The following VPS8 variants were observed in gnomAD, a reference collection of about 807,000 sequenced individuals.
The protein encoded by VPS8 is VPS8 subunit of CORVET complex, also known as vacuolar protein sorting-associated protein 8 homolog.
Under a neutral mutation model 216.4 loss-of-function variants are expected in VPS8, and 129 were observed. The observed-to-expected ratio is 0.60, with a 90% CI of 0.52 to 0.69. The LOEUF is 0.69. Among genes scored for constraint, VPS8 ranks in the 30% least tolerant of loss-of-function variants. The pLI is 0.00. For synonymous variants in VPS8, 571 were observed against 565.4 expected (o/e 1.01, Z -0.14); for missense variants, 1,531 against 1,683.5 (o/e 0.91, Z 1.59).
At chr3:185,012,341 T>C (rs958116147) in intron 45 of VPS8, among the ~76,000 whole-genome samples, 17 of 147,822 alleles carry the variant, frequency 1.2e-4, no homozygotes, top group Non-Finnish European at 2.2e-4. Context: ...AATGTACATA[T>C]ATCTATAATT....
chr3:184,907,125 G>A (rs1225210892), intron 25 of VPS8, among the ~76,000 whole-genome samples: 1 of 152,138 alleles, frequency 6.6e-6, no homozygotes, highest in Admixed American at 6.5e-5. Context: ...CGATCAATAC[G>A]TTTAAGATGT....
chr3:184,998,969 C>T (rs1753019751), intron 44 of VPS8, among the ~76,000 whole-genome samples: 1 of 151,972 alleles, frequency 6.6e-6, no homozygotes, highest in Non-Finnish European at 1.5e-5. Context: ...GTAACCTCTG[C>T]CTCCCAGGTT....
intron 40 of VPS8, among the ~76,000 whole-genome samples, chr3:184,977,303 GTTAT>G (rs1417544378): frequency 6.6e-5 from 10 of 152,094 alleles, no homozygotes; most frequent in Non-Finnish European, 1.2e-4. Context: ...TTGTAATGGA[GTTAT>G]TTGTTTTTTG....
intron 40 of VPS8, among the ~76,000 whole-genome samples, chr3:184,978,404 C>T (rs1267542277): frequency 6.6e-6 from 1 of 151,634 alleles, no homozygotes; most frequent in Non-Finnish European, 1.5e-5. Context: ...CTCTTCTTCC[C>T]TCTTTCCTTC....
chr3:184,902,514 AT>A (rs1251563792), intron 25 of VPS8, among the ~76,000 whole-genome samples: 1 of 150,556 alleles, frequency 6.6e-6, no homozygotes, highest in Non-Finnish European at 1.5e-5. Context: ...TTTTTTTGTC[AT>A]TTAGGCTTTT....
At position 184,861,841 on chromosome 3, in the gene VPS8, T is replaced by G. The variant is rs76853771; in HGVS notation, c.1225-1056T>G. ...AGAGTACCTAAGAACTAGCACTGAT[T>G]AAGGTTGTATAAGGCTAAATAATGT... On this transcript the variant is annotated intron_variant, in intron 15 of 47. Coordinates refer to ENST00000625842, the MANE Select transcript of VPS8 (RefSeq NM_001009921.3). 1.6e-3 allele frequency among the ~76,000 whole-genome samples: 240 copies of G among 152,274 alleles called. 8 individuals are homozygous for G. The East Asian group carries it at 0.044, about 28-fold the overall frequency.
chr3:184,843,591 GATTTGCC>G (rs1359436636), intron 8 of VPS8, among the ~76,000 whole-genome samples: 1 of 152,132 alleles, frequency 6.6e-6, no homozygotes, highest in Non-Finnish European at 1.5e-5. Flanking sequence ...GGTCATGCAA[GATTTGCC>G]ATTTTAAATT....
chr3:185,031,850 A>G (rs1268032606), intron 46 of VPS8, among the ~76,000 whole-genome samples: 1 of 152,156 alleles, frequency 6.6e-6, no homozygotes, highest in Non-Finnish European at 1.5e-5. Flanking sequence ...TTAAAATCTT[A>G]TGAGTCTATA....
chr3:184,847,244 A>G (rs1723304660), intron 8 of VPS8, among the ~76,000 whole-genome samples: 1 of 152,176 alleles, frequency 6.6e-6, no homozygotes, highest in Non-Finnish European at 1.5e-5. Flanking sequence ...TTTGGGAAGG[A>G]GGGATTACTA....
At chr3:184,934,861 C>G (rs950107647) in intron 34 of VPS8, among the ~76,000 whole-genome samples, 3 of 152,160 alleles carry the variant, frequency 2.0e-5, no homozygotes, top group African/African-American at 4.8e-5. Context: ...TAGCCTCTTA[C>G]AATGAGCTGA....
At chr3:185,027,249 TTTTTTTTTTTTGAGACGGAGTC>T (rs1053664579) in intron 46 of VPS8, among the ~76,000 whole-genome samples, 1 of 142,344 alleles carries the variant, frequency 7.0e-6, no homozygotes, top group Non-Finnish European at 1.5e-5. Flanking sequence ...TTTTTTTTTT[TTTTTTTTTTTTGAGACGGAGTC>T]TCGCTCTGTC....
At chr3:184,944,510 G>C (rs1743325891) in intron 36 of VPS8, 2 of 985,438 alleles carry the variant, frequency 2.0e-6, no homozygotes, top group African/African-American at 3.5e-5. Context: ...TCCTTATGCA[G>C]TGGGGATGCT....
intron 36 of VPS8, among the ~76,000 whole-genome samples, chr3:184,952,193 G>A (rs755296526): frequency 1.2e-4 from 19 of 152,180 alleles, no homozygotes; most frequent in Non-Finnish European, 2.2e-4. Context: ...GGGAAACATT[G>A]GTTAACATTC....
chr3:184,954,724 T>A (rs7628886), intron 36 of VPS8, among the ~76,000 whole-genome samples: 116,224 of 152,052 alleles, frequency 0.76, 45,252 homozygotes, highest in African/African-American at 0.85. Flanking sequence ...CCTCTATTCT[T>A]CGTTTTTGTG....
intron 45 of VPS8, among the ~76,000 whole-genome samples, chr3:185,011,006 C>CA (rs1472775971): frequency 6.9e-6 from 1 of 144,652 alleles, no homozygotes; most frequent in Admixed American, 7.0e-5. Context: ...CTCAAAAAAA[C>CA]AAAAAAGAAA....
chr3:184,849,730 G>T, intron 9 of VPS8: 1 of 551,970 alleles, frequency 1.8e-6, no homozygotes, highest in South Asian at 2.4e-5. Context: ...GGGAGAAGTA[G>T]GATGGGCAGG....
chr3:184,889,727 C>T (rs565418415), intron 22 of VPS8, among the ~76,000 whole-genome samples: 87 of 152,248 alleles, frequency 5.7e-4, no homozygotes, highest in African/African-American at 2.0e-3. Flanking sequence ...GGCTGTGAAA[C>T]TAGGCATTGG....
intron 42 of VPS8, among the ~76,000 whole-genome samples, chr3:184,986,313 AG>A (rs1158165080): frequency 6.6e-6 from 1 of 152,206 alleles, no homozygotes; most frequent in African/African-American, 2.4e-5. Context: ...ACATAGGATA[AG>A]AATAAAGAAA....
chr3:185,047,702 A>C (rs1713250430), intron 46 of VPS8, among the ~76,000 whole-genome samples: 1 of 152,212 alleles, frequency 6.6e-6, no homozygotes, highest in Admixed American at 6.5e-5. Context: ...AATTTTTGGT[A>C]ATCTCAAAAG....
Sources: allele counts gnomAD v4.1 joint callset (sites outside exome capture counted in the v4.1 genomes callset), GRCh38; gene constraint gnomAD v4.1.1; transcripts MANE v1.5; gene names NCBI Gene and HGNC (gene_info 2026-07-23, HGNC 2026-07-21).